The following ARNT2 variants were observed in gnomAD, a reference collection of about 807,000 sequenced individuals.
ARNT2 encodes the protein aryl hydrocarbon receptor nuclear translocator 2, also known as ARNT protein 2.
ARNT2 carries 36 observed loss-of-function variants against 91.7 expected under a neutral mutation model. The ratio of observed to expected loss-of-function variants is 0.39; its 90% CI spans 0.30 to 0.52. The LOEUF is 0.52. Ranked by LOEUF, ARNT2 falls within the 20% of genes least tolerant of loss-of-function variation. The pLI is 0.72. For missense variants in ARNT2, 775 were observed against 939.3 expected (o/e 0.83, Z 2.29); for synonymous variants, 365 against 347.1 (o/e 1.05, Z -0.57).
At chr15:80,571,289 G>A (rs1898579188) in intron 12 of ARNT2, among the ~76,000 whole-genome samples, 1 of 152,218 alleles carries the variant, frequency 6.6e-6, no homozygotes, top group African/African-American at 2.4e-5. Flanking sequence ...GGGGGTTGCT[G>A]TTATCAGAGG....
intron 1 of ARNT2, among the ~76,000 whole-genome samples, chr15:80,424,672 T>G (rs182099236): frequency 1.3e-5 from 2 of 152,312 alleles, no homozygotes; most frequent in Non-Finnish European, 2.9e-5. Context: ...GTATTCTTAC[T>G]GCTTCACTAT....
At chr15:80,450,569 T>C (rs1896373537) in intron 1 of ARNT2, among the ~76,000 whole-genome samples, 1 of 152,254 alleles carries the variant, frequency 6.6e-6, no homozygotes, top group Admixed American at 6.5e-5. Flanking sequence ...CTTACCTGCC[T>C]CCAGGTGGTC....
chr15:80,571,321 T>C (rs1397091925), intron 12 of ARNT2, among the ~76,000 whole-genome samples: 4 of 152,216 alleles, frequency 2.6e-5, no homozygotes, highest in Admixed American at 2.0e-4. Context: ...AGATCACTTG[T>C]GTGCATTTGC....
Position 80,427,670 on chromosome 15 carries a change from T to C in ARNT2, c.31+23124T>C, listed in dbSNP as rs555002649. 7.2e-5 allele frequency among the ~76,000 whole-genome samples: 11 copies of C among 152,320 alleles called. No homozygotes were observed. In the South Asian group the frequency reaches 2.1e-3, roughly 29 times the overall value. ...ACACACTCTTGAAAGGTGTGGGTCA[T>C]TTATTTTAACCCTGTAGTCACAGCG... On this transcript the variant is annotated intron_variant, in intron 1 of 18. Coordinates refer to ENST00000303329, the MANE Select transcript of ARNT2 (RefSeq NM_014862.4).
chr15:80,510,089 T>C (rs1186066105), intron 6 of ARNT2, among the ~76,000 whole-genome samples: 1 of 152,150 alleles, frequency 6.6e-6, no homozygotes, highest in East Asian at 1.9e-4. Context: ...ATTGCAATGA[T>C]TCAGGTGAGA....
At chr15:80,531,277 G>A (rs1897735344) in intron 8 of ARNT2, among the ~76,000 whole-genome samples, 2 of 152,218 alleles carry the variant, frequency 1.3e-5, no homozygotes, top group African/African-American at 2.4e-5. Flanking sequence ...AAATGAAGAA[G>A]CATTTCTGGC....
At chr15:80,580,169 A>G in intron 15 of ARNT2, 1 of 515,462 alleles carries the variant, frequency 1.9e-6, no homozygotes, top group Non-Finnish European at 3.5e-6. Flanking sequence ...GAACGAGGAG[A>G]GGAAGTACCA....
At chr15:80,499,650 C>T (rs1389253781) in intron 5 of ARNT2, among the ~76,000 whole-genome samples, 1 of 152,176 alleles carries the variant, frequency 6.6e-6, no homozygotes, top group Non-Finnish European at 1.5e-5. Context: ...CACATTTTGC[C>T]TATGGAGGAC....
intron 5 of ARNT2, among the ~76,000 whole-genome samples, chr15:80,501,088 A>G (rs555794999): frequency 5.3e-4 from 80 of 152,306 alleles, no homozygotes; most frequent in African/African-American, 1.9e-3. Context: ...GTAGGGTTTG[A>G]TATTAACAGC....
chr15:80,489,646 C>T (rs1231430087), intron 5 of ARNT2, among the ~76,000 whole-genome samples: 1 of 152,198 alleles, frequency 6.6e-6, no homozygotes, highest in African/African-American at 2.4e-5. Flanking sequence ...TTTTTGAACA[C>T]CTGCAGTGGC....
At chr15:80,412,724 G>A (rs1338655011) in intron 1 of ARNT2, among the ~76,000 whole-genome samples, 1 of 152,208 alleles carries the variant, frequency 6.6e-6, no homozygotes, top group East Asian at 1.9e-4. Context: ...ACACACCATT[G>A]TATTGAACAT....
chr15:80,555,226 C>A, intron 11 of ARNT2, 87 bp downstream of exon 11: 1 of 1,433,084 alleles, frequency 7.0e-7, no homozygotes, highest in Non-Finnish European at 9.8e-7. Flanking sequence ...CTACTATGTG[C>A]CAGGCAGGCT....
At chr15:80,543,243 C>T (rs1208298441) in intron 8 of ARNT2, among the ~76,000 whole-genome samples, 1 of 152,086 alleles carries the variant, frequency 6.6e-6, no homozygotes, top group Admixed American at 6.6e-5. Context: ...GGGTGCTCCA[C>T]ACACATCTTT....
chr15:80,521,492 A>G (rs1455909616), intron 8 of ARNT2, among the ~76,000 whole-genome samples: 1 of 152,228 alleles, frequency 6.6e-6, no homozygotes, highest in African/African-American at 2.4e-5. Flanking sequence ...AAATCATGAT[A>G]TTGAATAAAT....
chr15:80,447,829 C>T lies in ARNT2; in HGVS notation c.32-3051C>T, dbSNP rs908100994. 4.6e-5 allele frequency among the ~76,000 whole-genome samples: 7 copies of T among 152,176 alleles called. 1 individual carries two copies. The highest frequency in any genetic ancestry group is 2.6e-4 in the Admixed American group (4 of 15,284). On this transcript the variant is annotated intron_variant, in intron 1 of 18. Transcript: ENST00000303329. ...TCTTTAAAGTCAATGTTAGTCTCAT[C>T]GATTGCATTTTCTGTTTGGCTTATT... is the stretch of plus-strand genomic sequence containing the variant.
chr15:80,523,401 C>A (rs1417852807), intron 8 of ARNT2, among the ~76,000 whole-genome samples: 12 of 152,206 alleles, frequency 7.9e-5, no homozygotes, highest in Admixed American at 6.5e-4. Context: ...GTGGTCAGGG[C>A]AGGCAGCCTT....
chr15:80,445,672 G>A (rs79285910), intron 1 of ARNT2, among the ~76,000 whole-genome samples: 11 of 152,034 alleles, frequency 7.2e-5, no homozygotes, highest in African/African-American at 1.9e-4. Flanking sequence ...AGGGAGACCC[G>A]AGTGGGGTCT....
intron 1 of ARNT2, among the ~76,000 whole-genome samples, chr15:80,423,122 T>A (rs1895883008): frequency 6.6e-6 from 1 of 152,232 alleles, no homozygotes; most frequent in Non-Finnish European, 1.5e-5. Flanking sequence ...CTTTGATGTC[T>A]TGTAAAATGA....
intron 5 of ARNT2, among the ~76,000 whole-genome samples, chr15:80,498,809 G>A (rs1897153616): frequency 6.6e-6 from 1 of 152,220 alleles, no homozygotes; most frequent in Admixed American, 6.5e-5. Flanking sequence ...CACAGTCCCT[G>A]CAGATGGCTG....
Sources: allele counts gnomAD v4.1 joint callset (sites outside exome capture counted in the v4.1 genomes callset), GRCh38; gene constraint gnomAD v4.1.1; transcripts MANE v1.5; gene names NCBI Gene and HGNC (gene_info 2026-07-23, HGNC 2026-07-21).